The following LANCL3 variants were observed in gnomAD, a reference collection of about 807,000 sequenced individuals.
The protein encoded by LANCL3 is lanC-like protein 3.
LANCL3 carries 19 observed loss-of-function variants against 26.5 expected under a neutral mutation model. The ratio of observed to expected loss-of-function variants is 0.72; its 90% CI spans 0.50 to 1.05. LANCL3 has a LOEUF of 1.05. LANCL3 is among the 50% of genes least tolerant of loss of function. The pLI, the probability that LANCL3 is intolerant of heterozygous loss-of-function variation, is 0.00. For missense variants in LANCL3, 318 were observed against 362.7 expected (o/e 0.88, Z 1.00); for synonymous variants, 160 against 166.6 (o/e 0.96, Z 0.30).
chrX:37,651,998 C>T (rs984991834), intron 1 of LANCL3, among the ~76,000 whole-genome samples: 18 of 107,870 alleles, frequency 1.7e-4, no homozygotes, highest in African/African-American at 5.7e-4. Context: ...GACCTGTCTT[C>T]AGCAGCAGCT....
chrX:37,665,382 T>C (rs1926521470), intron 3 of LANCL3, among the ~76,000 whole-genome samples: 1 of 111,809 alleles, frequency 8.9e-6, no homozygotes, highest in Admixed American at 9.5e-5. Flanking sequence ...CTAGATAGAA[T>C]GCCCTCCCTG....
intron 1 of LANCL3, among the ~76,000 whole-genome samples, chrX:37,612,342 A>G (rs782196843): frequency 1.8e-5 from 2 of 111,509 alleles, no homozygotes; most frequent in South Asian, 7.6e-4. Flanking sequence ...CCCCTTCCCC[A>G]TGTGATTTAT....
chrX:37,633,784 C>G (rs1925612933), intron 1 of LANCL3, among the ~76,000 whole-genome samples: 1 of 111,635 alleles, frequency 9.0e-6, no homozygotes, highest in Non-Finnish European at 1.9e-5. Context: ...GATCGTTCCT[C>G]TGGAAGTTTT....
chrX:37,593,959 T>A (rs1371444247), intron 1 of LANCL3, among the ~76,000 whole-genome samples: 1 of 111,729 alleles, frequency 9.0e-6, no homozygotes. Flanking sequence ...GAATAAAGAG[T>A]TGAATAGCTC....
chrX:37,658,614 T>C (rs970203273), intron 2 of LANCL3, among the ~76,000 whole-genome samples: 4 of 111,757 alleles, frequency 3.6e-5, no homozygotes, highest in African/African-American at 1.3e-4. Context: ...ATCTGGACAC[T>C]CCATGGCCAA....
chrX:37,668,989 A>C (rs186915080), intron 4 of LANCL3, among the ~76,000 whole-genome samples: 1 of 112,134 alleles, frequency 8.9e-6, no homozygotes, highest in African/African-American at 3.2e-5. Context: ...TAATGTATGA[A>C]AAATCATTTA....
At chrX:37,642,119 C>G (rs1378498742) in intron 1 of LANCL3, among the ~76,000 whole-genome samples, 3 of 112,073 alleles carry the variant, frequency 2.7e-5, no homozygotes, top group Non-Finnish European at 5.6e-5. Context: ...AAATCAATTG[C>G]AACCTTGTGA....
chrX:37,653,060 C>CCGAACAAG (rs1309441808), intron 1 of LANCL3, among the ~76,000 whole-genome samples: 3 of 111,371 alleles, frequency 2.7e-5, no homozygotes, highest in African/African-American at 9.8e-5. Context: ...CTCTATCCAG[C>CCGAACAAG]CGAACAAGCG....
At position 37,637,429 on chromosome X, in the gene LANCL3, A is replaced by T. The variant is rs191203713; in HGVS notation, c.574-18259A>T. 1.7e-3 allele frequency among the ~76,000 whole-genome samples: 194 copies of T among 111,903 alleles called. 2 individuals carry two copies. The highest frequency in any genetic ancestry group is 6.0e-3 in the African/African-American group (185 of 30,796). ...ATGTCATATAACACTAGCTAATGAC[A>T]TGTCAGTGTAAATATGCTAGGGTAT... On this transcript the variant is annotated intron_variant, in intron 1 of 4. Coordinates refer to ENST00000378619, the MANE Select transcript of LANCL3 (RefSeq NM_001170331.2).
At chrX:37,577,637 A>C (rs1488818433) in intron 1 of LANCL3, among the ~76,000 whole-genome samples, 1 of 112,633 alleles carries the variant, frequency 8.9e-6, no homozygotes, top group Non-Finnish European at 1.9e-5. Context: ...TGCTGTGATG[A>C]CCAGTCCTAG....
chrX:37,628,446 T>G (rs1360915536), intron 1 of LANCL3, among the ~76,000 whole-genome samples: 8 of 110,315 alleles, frequency 7.3e-5, no homozygotes, highest in Non-Finnish European at 1.3e-4. Context: ...CAACTTGATG[T>G]TTTTTTTATT....
chrX:37,668,390 A>G, intron 4 of LANCL3: 1 of 405,478 alleles, frequency 2.5e-6, no homozygotes, highest in East Asian at 4.2e-5. Context: ...AAACTTGATA[A>G]AGATGGAACA....
chrX:37,661,886 T>C (rs2037135950), intron 3 of LANCL3, among the ~76,000 whole-genome samples: 1 of 112,236 alleles, frequency 8.9e-6, no homozygotes, highest in African/African-American at 3.2e-5. Flanking sequence ...CCTCCACAGG[T>C]GACAAGCCTA....
chrX:37,589,049 C>T (rs1410512178), intron 1 of LANCL3, among the ~76,000 whole-genome samples: 1 of 112,026 alleles, frequency 8.9e-6, no homozygotes, highest in Non-Finnish European at 1.9e-5. Context: ...CACAGTCTGA[C>T]AGACTTTATG....
chrX:37,576,747 A>T (rs1399521484), intron 1 of LANCL3, among the ~76,000 whole-genome samples: 1 of 111,895 alleles, frequency 8.9e-6, no homozygotes, highest in Non-Finnish European at 1.9e-5. Flanking sequence ...TCAGGAACTA[A>T]CTGAGGACAG....
chrX:37,642,569 A>G (rs1925890748), intron 1 of LANCL3, among the ~76,000 whole-genome samples: 1 of 111,987 alleles, frequency 8.9e-6, no homozygotes, highest in Non-Finnish European at 1.9e-5. Flanking sequence ...GCCAAAAAAA[A>G]GGAAAGGAAG....
chrX:37,573,673 A>G (rs1436827339), intron 1 of LANCL3, among the ~76,000 whole-genome samples: 3 of 112,354 alleles, frequency 2.7e-5, no homozygotes, highest in Non-Finnish European at 5.6e-5. Flanking sequence ...TTAGAAGGCC[A>G]CAGAGATATT....
At chrX:37,578,375 A>G (rs1230128219) in intron 1 of LANCL3, among the ~76,000 whole-genome samples, 1 of 112,230 alleles carries the variant, frequency 8.9e-6, no homozygotes, top group Non-Finnish European at 1.9e-5. Flanking sequence ...TTACCAAAGC[A>G]TCTGCCATTT....
At chrX:37,578,599 A>G (rs1245219270) in intron 1 of LANCL3, among the ~76,000 whole-genome samples, 1 of 112,209 alleles carries the variant, frequency 8.9e-6, no homozygotes, top group African/African-American at 3.2e-5. Context: ...AATATATTTT[A>G]TGGCAGCAAC....
Sources: gnomAD v4.1 joint callset for allele counts (sites outside exome capture counted in the v4.1 genomes callset) on GRCh38, gnomAD v4.1.1 for gene constraint, MANE v1.5 for transcripts, NCBI Gene and HGNC (gene_info 2026-07-23, HGNC 2026-07-21) for gene names.